The following RTCB variants were observed in gnomAD, a reference collection of about 807,000 sequenced individuals.
RTCB encodes the protein RNA-splicing ligase RTCB.
Under a neutral mutation model 58.2 loss-of-function variants are expected in RTCB, and 32 were observed. The ratio of observed to expected loss-of-function variants is 0.55; its 90% CI spans 0.41 to 0.74. RTCB has a LOEUF of 0.74. Among genes scored for constraint, RTCB ranks in the 30% least tolerant of loss-of-function variants. The pLI, the probability that RTCB is intolerant of heterozygous loss-of-function variation, is 0.00. For synonymous variants in RTCB, 247 were observed against 218.6 expected, an observed-to-expected ratio of 1.13 and a Z score of -1.15; for missense variants, 523 against 639.0, an observed-to-expected ratio of 0.82 and a Z score of 1.96.
At position 32,392,240 on chromosome 22, in the gene RTCB, C is replaced by T. The variant is rs201549447; in HGVS notation, c.1410G>A (p.Glu470=). ...RVASPKLVME[E]APESYKNVTD... is the part of the protein sequence containing the mutation. ...ATGTATTTATCAAAATTTCACTTAC[C>T]TCTTCCATAACCAGTTTGGGTGAGG... The change falls in exon 11 of 12, where the codon GAG becomes GAA. Residue 470 remains glutamate, a splice_region_variant and synonymous_variant. Transcript: ENST00000216038. The T allele has an allele frequency of 2.0e-5, 32 of 1,605,326 alleles. No homozygotes were observed. Among genetic ancestry groups the T allele is most frequent in the Admixed American group, 7.0e-5 (4 of 57,390 alleles).
intron 6 of RTCB, among the ~76,000 whole-genome samples, chr22:32,398,441 C>T (rs894911029): frequency 6.6e-6 from 1 of 151,966 alleles, no homozygotes; most frequent in Admixed American, 6.6e-5. Flanking sequence ...ACATCACATA[C>T]CAGAGCCTGT....
chr22:32,404,594 T>TG (rs2064094940), intron 4 of RTCB, among the ~76,000 whole-genome samples: 1 of 152,136 alleles, frequency 6.6e-6, no homozygotes, highest in South Asian at 2.1e-4. Flanking sequence ...TTTGTAGAGA[T>TG]GGGGGTCTCC....
At chr22:32,409,975 G>A (rs548094008) in intron 1 of RTCB, among the ~76,000 whole-genome samples, 1 of 151,888 alleles carries the variant, frequency 6.6e-6, no homozygotes, top group African/African-American at 2.4e-5. Flanking sequence ...CCGCCACCAC[G>A]CCCAGCTAAT....
intron 1 of RTCB, among the ~76,000 whole-genome samples, chr22:32,409,744 G>A (rs542702585): frequency 6.6e-6 from 1 of 152,134 alleles, no homozygotes; most frequent in East Asian, 1.9e-4. Context: ...ACTGTCCTGG[G>A]CACTAGGGGA....
chr22:32,406,018 C>T (rs1371400873), intron 4 of RTCB, among the ~76,000 whole-genome samples: 1 of 152,086 alleles, frequency 6.6e-6, no homozygotes, highest in Non-Finnish European at 1.5e-5. Flanking sequence ...CTCATCTAAG[C>T]TACTAATACT....
chr22:32,403,733 T>A (rs1030104756), intron 4 of RTCB, among the ~76,000 whole-genome samples: 1 of 152,188 alleles, frequency 6.6e-6, no homozygotes, highest in Non-Finnish European at 1.5e-5. Flanking sequence ...CAAAAGTAAT[T>A]GTGCTTTTTG....
chr22:32,389,047 C>T (rs1933107635), intron 11 of RTCB, among the ~76,000 whole-genome samples: 1 of 152,174 alleles, frequency 6.6e-6, no homozygotes, highest in Non-Finnish European at 1.5e-5. Context: ...GTGCTCCTGG[C>T]TTTCATGGTT....
At chr22:32,395,937 G>A in intron 8 of RTCB, 137 bp downstream of exon 8, 3 of 729,000 alleles carry the variant, frequency 4.1e-6, no homozygotes, top group Non-Finnish European at 2.1e-6. Context: ...CTAACCTTGT[G>A]ATCCGCCCCC....
rs1010765504 is a variant in RTCB at position 32,397,837 on chromosome 22, G to A, written c.814+104C>T. On this transcript the variant is annotated intron_variant, in intron 7 of 11. Transcript: ENST00000216038. ...TTTGTCCAAGTTATTTAATTGTTGA[G>A]GACTCAGGATAAAACCCATGCAGTA... 11 of 1,036,680 alleles carry A rather than the reference G, an allele frequency of 1.1e-5. No homozygotes were observed. In the African/African-American group the frequency reaches 1.6e-4, roughly 15 times the overall value. The allele number at this position is 1,036,680 out of a possible 1,614,324, so 64.2% of individuals were successfully genotyped here. A position where few individuals can be genotyped will look rare whatever the true frequency, so the allele number is the denominator to read the frequency against.
chr22:32,394,827 A>AGT (rs142831962), intron 9 of RTCB, among the ~76,000 whole-genome samples, 199 bp downstream of exon 9: 5,250 of 152,256 alleles, frequency 0.034, 285 homozygotes, highest in African/African-American at 0.12. Context: ...AGCACTTGCT[A>AGT]TAGCACACGG....
chr22:32,388,382 AAC>A (rs1349770104), intron 11 of RTCB, among the ~76,000 whole-genome samples: 1 of 152,172 alleles, frequency 6.6e-6, no homozygotes, highest in African/African-American at 2.4e-5. Flanking sequence ...AAGTAAATAA[AAC>A]ACACACCAGA....
chr22:32,396,461 A>T (rs187865412), intron 7 of RTCB, among the ~76,000 whole-genome samples: 35 of 152,386 alleles, frequency 2.3e-4, no homozygotes, highest in South Asian at 6.2e-4. Context: ...TTTGTGGGAC[A>T]CAAAGTCAAC....
chr22:32,388,013 T>A lies in RTCB; in HGVS notation c.1497A>T (p.Pro499=). 6.2e-7 allele frequency: 1 copy of A among 1,613,306 alleles called. No homozygotes were observed. Among genetic ancestry groups the A allele is most frequent in the Non-Finnish European group, 8.5e-7 (1 of 1,179,222 alleles). Residue 499 remains proline (P), a synonymous_variant, in exon 12 of 12, where the codon CCA becomes CCT. Coordinates refer to ENST00000216038, the MANE Select transcript of RTCB (RefSeq NM_014306.5). ...GGTTCTATCCTTTGATCACAGCAAT[T>A]GGTCTCAGTTTAATGGCTTTCTTGC... ...GISKKAIKLR[P]IAVIKG is the part of the protein sequence containing the mutation.
At chr22:32,391,508 G>A (rs555432371) in intron 11 of RTCB, among the ~76,000 whole-genome samples, 2 of 149,894 alleles carry the variant, frequency 1.3e-5, no homozygotes, top group South Asian at 4.2e-4. Context: ...TGATTTTCCT[G>A]TCTCGGCCTC....
intron 10 of RTCB, 36 bp from the exon 11 acceptor site, chr22:32,392,395 C>G (rs1933167788): frequency 6.2e-7 from 1 of 1,613,194 alleles, no homozygotes. Flanking sequence ...ACTTTAAACC[C>G]TAAGATGATA....
chr22:32,412,013 C>T, intron 1 of RTCB, 51 bp downstream of exon 1: 2 of 1,464,068 alleles, frequency 1.4e-6, no homozygotes, highest in South Asian at 1.2e-5. Flanking sequence ...GGACGCCGGC[C>T]GGGCCGGGGA....
In RTCB at chr22:32,410,446, C is replaced by G. The variant is rs141077272; in HGVS notation, c.94-1613G>C. Among the ~76,000 whole-genome samples the G allele has an allele frequency of 5.3e-3, 781 of 147,414 alleles. 2 individuals are homozygous for G. The highest frequency in any genetic ancestry group is 9.0e-3 in the Non-Finnish European group (611 of 67,806). On this transcript the variant is annotated intron_variant, in intron 1 of 11. Transcript: ENST00000216038. ...CAGATGATTATCTGTGTGAAATTCA[C>G]TGCTCTCATATGGAAGCACAATTCA...
intron 1 of RTCB, among the ~76,000 whole-genome samples, chr22:32,409,483 C>T (rs536321952): frequency 2.0e-5 from 3 of 152,244 alleles, no homozygotes; most frequent in African/African-American, 2.4e-5. Context: ...GGACGACATA[C>T]TTATGTAACA....
chr22:32,388,888 CCTT>C (rs1298305148), intron 11 of RTCB, among the ~76,000 whole-genome samples: 2 of 152,188 alleles, frequency 1.3e-5, no homozygotes, highest in African/African-American at 4.8e-5. Context: ...CCCCTCCCTC[CCTT>C]CTTCTTTGAA....
Sources: gnomAD v4.1 joint callset for allele counts (sites outside exome capture counted in the v4.1 genomes callset) on GRCh38, gnomAD v4.1.1 for gene constraint, MANE v1.5 for transcripts, NCBI Gene and HGNC (gene_info 2026-07-23, HGNC 2026-07-21) for gene names.